PKLR: variants seen among roughly 807,000 people sequenced by gnomAD.
PKLR encodes the protein pyruvate kinase L/R.
PKLR carries 38 observed loss-of-function variants against 53.6 expected under a neutral mutation model. The ratio of observed to expected loss-of-function variants is 0.71; its 90% CI spans 0.55 to 0.93. PKLR has a LOEUF of 0.93. Ranked by LOEUF, PKLR falls within the 40% of genes least tolerant of loss-of-function variation. The pLI, the probability that PKLR is intolerant of heterozygous loss-of-function variation, is 0.00. For missense variants in PKLR, 702 were observed against 787.3 expected (o/e 0.89, Z 1.30); for synonymous variants, 328 against 316.2 (o/e 1.04, Z -0.39).
intron 2 of PKLR, among the ~76,000 whole-genome samples, chr1:155,298,991 T>C (rs1382634289): frequency 1.1e-5 from 1 of 95,212 alleles, no homozygotes; most frequent in Non-Finnish European, 1.9e-5. Context: ...TCTTTCTTTC[T>C]TTCTTTCTTT....
upstream of PKLR, among the ~76,000 whole-genome samples, chr1:155,304,027 G>A (rs1438957301): frequency 6.6e-6 from 1 of 152,128 alleles, no homozygotes; most frequent in East Asian, 1.9e-4. Context: ...GTGCAGGGTC[G>A]TGGCCCATAG....
At position 155,300,776 on chromosome 1, in the gene PKLR, C is replaced by A. The variant is rs1018343417; in HGVS notation, c.101-496G>T. On this transcript the variant is annotated intron_variant, in intron 1 of 10. Coordinates refer to ENST00000342741, the MANE Select transcript of PKLR (RefSeq NM_000298.6). ...CCCTGGCTACTGGCTGGCTTCCCCA[C>A]CCCATCCTCTGAGTCTCCCCAGGCT... 1.5e-5 allele frequency: 20 copies of A among 1,355,442 alleles called. No individual in the cohort carries two copies. The African/African-American group carries it at 2.3e-4, about 16-fold the overall frequency. The allele number at this position is 1,355,442 out of a possible 1,614,324, so 84.0% of individuals were successfully genotyped here. A position where few individuals can be genotyped will look rare whatever the true frequency, so the allele number is the denominator to read the frequency against.
rs1318525052 is a variant in PKLR at position 155,291,781 on chromosome 1, G to T, written c.1593C>A (p.Arg531=). The change falls in exon 10 of 11, where the codon CGC becomes CGA. Residue 531 remains arginine, a synonymous_variant. Coordinates refer to ENST00000342741, the MANE Select transcript of PKLR (RefSeq NM_000298.6). ...CACTTTCAATGCCAAATTGCACCCG[G>T]CGATCTACATCATCTGCCCAGATGG... ...PEAIWADDVD[R]RVQFGIESGK... 6.2e-7 allele frequency: 1 copy of T among 1,614,106 alleles called. No homozygotes were observed. Among genetic ancestry groups the T allele is most frequent in the East Asian group, 2.2e-5 (1 of 44,886 alleles).
chr1:155,295,581 G>T lies in PKLR; in HGVS notation c.376-13C>A. On this transcript the variant is annotated splice_polypyrimidine_tract_variant and intron_variant, in intron 3 of 10. Coordinates refer to ENST00000342741, the MANE Select transcript of PKLR (RefSeq NM_000298.6). This position sits in a 1 kb window ranked among gnomAD's most constrained non-coding sequence, Gnocchi z 4.3. The stretch of plus-strand genomic sequence containing the variant: ...ACTCAGCATGGTACTGGGGGAGGGA[G>T]CGGAGCGAGGGTTTCAGGGGAAGGT... The T allele has an allele frequency of 6.2e-7, 1 of 1,614,104 alleles. No homozygotes were observed. The highest frequency in any genetic ancestry group is 1.1e-5 in the South Asian group (1 of 91,076).
At position 155,295,032 on chromosome 1, in the gene PKLR, C is replaced by G; in HGVS notation, c.694+84G>C. ...ACGCGTGGCCAGGGGAAGGTGTGATCGGTCTGAGGGCTGATGGGGGAGCCA... is the reference window on the plus strand; with the variant it reads ...ACGCGTGGCCAGGGGAAGGTGTGATGGGTCTGAGGGCTGATGGGGGAGCCA... On this transcript the variant is annotated intron_variant, in intron 5 of 10. Coordinates refer to ENST00000342741, the MANE Select transcript of PKLR (RefSeq NM_000298.6). The surrounding 1 kb of genome is among the most constrained non-coding windows in gnomAD (Gnocchi z 4.3). 1 of 1,454,362 alleles carries G rather than the reference C, an allele frequency of 6.9e-7. No homozygotes were observed. Among genetic ancestry groups the G allele is most frequent in the Non-Finnish European group, 9.5e-7 (1 of 1,052,654 alleles). 90.1% of individuals were successfully genotyped at this position (1,454,362 alleles called of 1,614,324 possible).
At chr1:155,302,008 G>A (rs1457656197), upstream of PKLR, among the ~76,000 whole-genome samples, 2 of 151,444 alleles carry the variant, frequency 1.3e-5, no homozygotes, top group East Asian at 1.9e-4. Flanking sequence ...CTACCCCCAG[G>A]GAAATTTTCT....
At position 155,290,568 on chromosome 1, in the gene PKLR, C is replaced by G; in HGVS notation, c.*4G>C. 1 of 1,575,328 alleles carries G rather than the reference C, an allele frequency of 6.3e-7. No individual in the cohort carries two copies. Among genetic ancestry groups the G allele is most frequent in the Non-Finnish European group, 8.7e-7 (1 of 1,145,452 alleles). On this transcript the variant is annotated 3_prime_UTR_variant, in exon 11 of 11. Coordinates refer to ENST00000342741, the MANE Select transcript of PKLR (RefSeq NM_000298.6). ...TAGGCTGGGCCAGAGGAGGGAGGGG[C>G]GTCTCAGGATATGCTTAGCACCCGC...
At position 155,290,151 on chromosome 1, in the gene PKLR, C is replaced by T. The variant is rs1348442448; in HGVS notation, c.*421G>A. On this transcript the variant is annotated 3_prime_UTR_variant, in exon 11 of 11. Coordinates refer to ENST00000342741, the MANE Select transcript of PKLR (RefSeq NM_000298.6). ...CGAGATGCCCAGATTATCATGAGGGCTACATATGAGAATGGGAGACTGTGG... is the reference window on the plus strand; with the variant it reads ...CGAGATGCCCAGATTATCATGAGGGTTACATATGAGAATGGGAGACTGTGG... 2 of 229,008 alleles carry T rather than the reference C, an allele frequency of 8.7e-6. No homozygotes were observed. The highest frequency in any genetic ancestry group is 5.0e-5 in the Admixed American group (1 of 19,810). The allele number at this position is 229,008 out of a possible 1,614,324, so 14.2% of individuals were successfully genotyped here. A position where few individuals can be genotyped will look rare whatever the true frequency, so the allele number is the denominator to read the frequency against.
rs2148220827 is a variant in PKLR, at chr1:155,301,277, T to C, written c.100+19A>G. The C allele has an allele frequency of 6.2e-7, 1 of 1,613,786 alleles. No homozygotes were observed. Among genetic ancestry groups the C allele is most frequent in the East Asian group, 2.2e-5 (1 of 44,880 alleles). The stretch of plus-strand genomic sequence containing the variant: ...TCATTTTCCTCCTATGTTCCATGGC[T>C]TCTGTCTCCCCTTCTTACCTCCTGG... On this transcript the variant is annotated intron_variant, in intron 1 of 10. Transcript: ENST00000342741.
At chr1:155,305,937 G>A (rs1648222433), upstream of PKLR, among the ~76,000 whole-genome samples, 1 of 151,778 alleles carries the variant, frequency 6.6e-6, no homozygotes, top group African/African-American at 2.4e-5. Context: ...GAGCCACCAC[G>A]CCCAGCTGTG....
At chr1:155,302,188 G>A (rs1191637905), upstream of PKLR, among the ~76,000 whole-genome samples, 1 of 148,446 alleles carries the variant, frequency 6.7e-6, no homozygotes, top group African/African-American at 2.5e-5. Context: ...GATTACAGAC[G>A]TGCACCACCA....
chr1:155,308,474 AG>A, the PKLR span: 2 of 786,128 alleles, frequency 2.5e-6, no homozygotes, highest in Non-Finnish European at 3.1e-6. Flanking sequence ...AAGTTCACTG[AG>A]GATCAGAGAC....
rs1202916217 is a variant in PKLR at position 155,291,927 on chromosome 1, G to A, written c.1447C>T (p.Leu483Phe). Residue 483 changes from leucine (L) to phenylalanine (F), a missense_variant, in exon 10 of 11, where the codon CTT becomes TTT. This residue lies in a region of PKLR where 183 missense variants were observed against 250.2 expected (regional missense o/e 0.73). Transcript: ENST00000342741. ...VLTTTGRSAQ[L>F]LSRYRPRAAV... The stretch of plus-strand genomic sequence containing the variant: ...GCCCGAGGTCGGTACCGAGACAGAA[G>A]CTGGGCTGAGCTGGAGGAGGCAGAG... 1.2e-6 allele frequency: 2 copies of A among 1,613,122 alleles called. No homozygotes were observed. Among genetic ancestry groups the A allele is most frequent in the Non-Finnish European group, 1.7e-6 (2 of 1,179,960 alleles).
intron 5 of PKLR, 41 bp from the exon 6 acceptor site, chr1:155,294,793 A>G: frequency 6.2e-7 from 1 of 1,612,128 alleles, no homozygotes; most frequent in East Asian, 2.2e-5. Context: ...AGGGGTGAGG[A>G]CGGGGCACAG....
At chr1:155,303,657 C>T (rs1648146291), upstream of PKLR, among the ~76,000 whole-genome samples, 1 of 152,144 alleles carries the variant, frequency 6.6e-6, no homozygotes. Context: ...CGGAGTTTCA[C>T]TCTTGTCACC....
the PKLR span, among the ~76,000 whole-genome samples, chr1:155,306,990 C>G: frequency 6.6e-6 from 1 of 152,194 alleles, no homozygotes; most frequent in South Asian, 2.1e-4. This position sits in a 1 kb window ranked among gnomAD's most constrained non-coding sequence, Gnocchi z 4.2. Context: ...TCTCGGTTCA[C>G]CACAACCTCT....
chr1:155,302,624 G>A (rs1220266263), upstream of PKLR, among the ~76,000 whole-genome samples: 3 of 151,756 alleles, frequency 2.0e-5, no homozygotes, highest in South Asian at 2.1e-4. Context: ...CACCAGCCTC[G>A]GCCTCTCAAA....
At chr1:155,308,649 ACT>A in the PKLR span, 4 of 985,316 alleles carry the variant, frequency 4.1e-6, no homozygotes, top group Admixed American at 2.5e-4. Flanking sequence ...CGCTTCCGGC[ACT>A]GACGCCTCCA....
chr1:155,303,027 A>T (rs979117009), upstream of PKLR, among the ~76,000 whole-genome samples: 2 of 152,174 alleles, frequency 1.3e-5, no homozygotes, highest in African/African-American at 4.8e-5. Flanking sequence ...TACTGGCTTC[A>T]AATTTCTTAA....
Sources: gnomAD v4.1 joint callset for allele counts (sites outside exome capture counted in the v4.1 genomes callset) on GRCh38, gnomAD v4.1.1 for gene constraint, gnomAD v4.1.1 regional missense constraint, Gnocchi (gnomAD v3.1) non-coding constraint, MANE v1.5 for transcripts, NCBI Gene and HGNC (gene_info 2026-07-23, HGNC 2026-07-21) for gene names.